Variants in TTC3 observed in about 807,000 individuals in gnomAD.
The protein encoded by TTC3 is tetratricopeptide repeat domain 3, also known as E3 ubiquitin-protein ligase TTC3.
A neutral mutation model predicts 249.6 loss-of-function variants in TTC3; 180 were observed. The observed-to-expected ratio is 0.72, with a 90% CI of 0.64 to 0.82. The LOEUF is 0.82. Among genes scored for constraint, TTC3 ranks in the 40% least tolerant of loss-of-function variants. The pLI, the probability that TTC3 is intolerant of heterozygous loss-of-function variation, is 0.00. For missense variants in TTC3, 2,061 were observed against 2,398.4 expected (o/e 0.86, Z 2.94); for synonymous variants, 717 against 805.0 (o/e 0.89, Z 1.85).
intron 37 of TTC3, 142 bp from the exon 38 acceptor site, chr21:37,186,907 A>G (rs949193536): frequency 1.0e-4 from 58 of 554,804 alleles, no homozygotes; most frequent in Admixed American, 5.4e-4. Context: ...TTGTGTAGTA[A>G]AATATGAGAT....
chr21:37,135,732 G>T (rs1385874811), intron 18 of TTC3, among the ~76,000 whole-genome samples: 2 of 152,152 alleles, frequency 1.3e-5, no homozygotes, highest in African/African-American at 4.8e-5. Flanking sequence ...CTTGACTATA[G>T]TTTAGGGTCA....
At chr21:37,109,013 CAAGT>C (rs758277617) in intron 11 of TTC3, among the ~76,000 whole-genome samples, 18 of 152,236 alleles carry the variant, frequency 1.2e-4, no homozygotes, top group Admixed American at 5.9e-4. Context: ...GCCAGTAAAA[CAAGT>C]AAGCATTTCA....
chr21:37,090,363 T>C (rs1459477868), intron 6 of TTC3, 77 bp downstream of exon 6: 4 of 1,336,966 alleles, frequency 3.0e-6, no homozygotes, highest in Admixed American at 1.8e-5. Context: ...TCCCCTTGCA[T>C]TGGGTCCATA....
intron 28 of TTC3, chr21:37,158,154 G>A (rs1389479771): frequency 2.0e-6 from 2 of 985,324 alleles, no homozygotes; most frequent in South Asian, 4.7e-5. Flanking sequence ...GACTGAAGGT[G>A]ACATGCTACT....
exon 1 of TTC3, chr21:37,073,301 G>T (rs2070284755): frequency 5.7e-6 from 2 of 349,872 alleles, no homozygotes; most frequent in South Asian, 1.1e-4. Flanking sequence ...GGAGGTGGCG[G>T]CGGCGGCGGC....
intron 10 of TTC3, among the ~76,000 whole-genome samples, chr21:37,102,367 T>G (rs1306764270): frequency 6.6e-6 from 1 of 152,204 alleles, no homozygotes; most frequent in African/African-American, 2.4e-5. Flanking sequence ...CTTGCAAAAT[T>G]CTTGCATACT....
intron 25 of TTC3, 101 bp downstream of exon 25, chr21:37,150,985 T>C: frequency 1.3e-6 from 1 of 746,208 alleles, no homozygotes; most frequent in Non-Finnish European, 2.2e-6. Context: ...AAATTGGCTG[T>C]GTATACATAT....
chr21:37,123,011 A>G, exon 13 of TTC3: 1 of 1,614,156 alleles, frequency 6.2e-7, no homozygotes, highest in Non-Finnish European at 8.5e-7. Context: ...ATCCAATTAA[A>G]GCCTTTTATG....
At chr21:37,130,303 T>C (rs921055070) in intron 16 of TTC3, among the ~76,000 whole-genome samples, 3 of 152,168 alleles carry the variant, frequency 2.0e-5, no homozygotes, top group African/African-American at 7.2e-5. Flanking sequence ...ATGAGTCTTC[T>C]TCCCTGCCCT....
chr21:37,160,791 C>A lies in TTC3; in HGVS notation c.3040-11C>A. 1.2e-6 allele frequency: 2 copies of A among 1,612,190 alleles called. No homozygotes were observed. Among genetic ancestry groups the A allele is most frequent in the Non-Finnish European group, 1.7e-6 (2 of 1,179,236 alleles). On this transcript the variant is annotated splice_polypyrimidine_tract_variant and intron_variant, in intron 29 of 45. Transcript: ENST00000355666. ...TTTGAGTGTTCACTGATTTTTCCCCCCATTTTTTAGTTTAGTTCAACCAAG... is the reference window on the plus strand; with the variant it reads ...TTTGAGTGTTCACTGATTTTTCCCCACATTTTTTAGTTTAGTTCAACCAAG...
chr21:37,119,004 A>C (rs1483769054), intron 11 of TTC3, among the ~76,000 whole-genome samples: 1 of 152,138 alleles, frequency 6.6e-6, no homozygotes. Flanking sequence ...CTTGTCTACT[A>C]ATCTGTGTCA....
intron 18 of TTC3, among the ~76,000 whole-genome samples, chr21:37,135,722 C>G (rs994806123): frequency 2.0e-5 from 3 of 152,144 alleles, no homozygotes; most frequent in Non-Finnish European, 4.4e-5. Context: ...ATATTCTCTC[C>G]TTGACTATAG....
chr21:37,081,109 C>CTTTTTTTTTT (rs58809719), intron 1 of TTC3, among the ~76,000 whole-genome samples: 1 of 58,164 alleles, frequency 1.7e-5, no homozygotes, highest in African/African-American at 6.9e-5. Context: ...TTATTTATGC[C>CTTTTTTTTTT]TTTTTTTTTT....
chr21:37,192,864 T>C (rs1569189775), intron 41 of TTC3, among the ~76,000 whole-genome samples: 1 of 152,214 alleles, frequency 6.6e-6, no homozygotes, highest in Non-Finnish European at 1.5e-5. Context: ...AATTGCATTT[T>C]GTGGACTTTA....
At chr21:37,089,255 G>A (rs1222215678) in intron 5 of TTC3, among the ~76,000 whole-genome samples, 1 of 152,172 alleles carries the variant, frequency 6.6e-6, no homozygotes, top group African/African-American at 2.4e-5. Flanking sequence ...CTTTGGGTAG[G>A]TAGACTTTAT....
At chr21:37,140,855 A>G (rs2078377907) in intron 20 of TTC3, among the ~76,000 whole-genome samples, 182 bp downstream of exon 20, 1 of 152,210 alleles carries the variant, frequency 6.6e-6, no homozygotes, top group Non-Finnish European at 1.5e-5. Flanking sequence ...AAGGCCAGTC[A>G]TTGCAGTTCT....
At chr21:37,121,759 G>C in intron 11 of TTC3, 58 bp from the exon 12 acceptor site, 2 of 1,457,444 alleles carry the variant, frequency 1.4e-6, no homozygotes, top group South Asian at 3.0e-5. Context: ...TTCCTTACCT[G>C]TTTTCTTTAA....
Position 37,153,295 on chromosome 21 carries a change from C to G in TTC3, c.2740+18C>G. 6.3e-7 allele frequency: 1 copy of G among 1,588,180 alleles called. No homozygotes were observed. Among genetic ancestry groups the G allele is most frequent in the Non-Finnish European group, 8.6e-7 (1 of 1,169,018 alleles). The stretch of plus-strand genomic sequence containing the variant: ...TAGCTTTGGTATGTCCCTTTATATT[C>G]CAGAGCAATAAACTTTAATACGAAG... On this transcript the variant is annotated intron_variant, in intron 27 of 45. Coordinates refer to ENST00000355666, the Ensembl canonical transcript of TTC3.
chr21:37,143,013 C>T (rs2078638111), intron 20 of TTC3, among the ~76,000 whole-genome samples: 1 of 152,142 alleles, frequency 6.6e-6, no homozygotes, highest in Non-Finnish European at 1.5e-5. Context: ...CACTATTCAA[C>T]AAATGGTGCT....
Sources: gnomAD v4.1 joint callset for allele counts (sites outside exome capture counted in the v4.1 genomes callset) on GRCh38, gnomAD v4.1.1 for gene constraint, MANE v1.5 for transcripts, NCBI Gene and HGNC (gene_info 2026-07-23, HGNC 2026-07-21) for gene names.